The following MGAT4C variants were observed in gnomAD, a reference collection of about 807,000 sequenced individuals.
The protein encoded by MGAT4C is MGAT4 family member C.
Under a neutral mutation model 40.1 loss-of-function variants are expected in MGAT4C, and 19 were observed. The observed-to-expected ratio is 0.47, with a 90% CI of 0.33 to 0.70. MGAT4C has a LOEUF of 0.70. Among genes scored for constraint, MGAT4C ranks in the 30% least tolerant of loss-of-function variants. The pLI is 0.02. For synonymous variants in MGAT4C, 181 were observed against 187.1 expected, an observed-to-expected ratio of 0.97 and a Z score of 0.27; for missense variants, 491 against 563.2, an observed-to-expected ratio of 0.87 and a Z score of 1.30.
chr12:86,603,187 C>T (rs1178912600), intron 2 of MGAT4C, among the ~76,000 whole-genome samples: 1 of 144,600 alleles, frequency 6.9e-6, no homozygotes. Context: ...GATGACTATA[C>T]TATATTCTAT....
rs145821160 is a variant in MGAT4C at position 86,554,699 on chromosome 12, A to G, written c.-228-119434T>C. Among the ~76,000 whole-genome samples the G allele has an allele frequency of 3.9e-3, 594 of 152,302 alleles. 5 individuals are homozygous for G. Among genetic ancestry groups the G allele is most frequent in the African/African-American group, 0.014 (575 of 41,566 alleles). ...CTCATTTTCTCTTTCTTACTGCCAGATATCTCTATTAGGCCTCCAACTGAA... is the reference window on the plus strand; with the variant it reads ...CTCATTTTCTCTTTCTTACTGCCAGGTATCTCTATTAGGCCTCCAACTGAA... On this transcript the variant is annotated intron_variant, in intron 2 of 7. Coordinates refer to the MGAT4C transcript ENST00000548651.
chr12:86,785,524 T>G (rs1951916312), intron 1 of MGAT4C, among the ~76,000 whole-genome samples: 2 of 151,952 alleles, frequency 1.3e-5, no homozygotes, highest in Non-Finnish European at 1.5e-5. Context: ...TAGATAAACC[T>G]CACAAAGCAC....
intron 2 of MGAT4C, among the ~76,000 whole-genome samples, chr12:86,027,250 C>G (rs1460008717): frequency 3.3e-5 from 5 of 151,902 alleles, no homozygotes; most frequent in Non-Finnish European, 5.9e-5. Flanking sequence ...CTTCTGATAA[C>G]TAAACTTTTG....
chr12:86,002,351 C>A (rs1449110485), intron 2 of MGAT4C: 1 of 152,162 alleles, frequency 6.6e-6, no homozygotes, highest in Non-Finnish European at 1.5e-5. Flanking sequence ...GCCTCCATAA[C>A]ATTGCATGTA....
At chr12:86,617,348 CCA>C (rs1378754574) in intron 2 of MGAT4C, among the ~76,000 whole-genome samples, 3 of 152,174 alleles carry the variant, frequency 2.0e-5, no homozygotes, top group African/African-American at 7.2e-5. Context: ...ATTCAACCAT[CCA>C]CAGATTCAAC....
chr12:86,774,323 C>CTT (rs1555227794), intron 1 of MGAT4C, among the ~76,000 whole-genome samples: 5 of 97,046 alleles, frequency 5.2e-5, no homozygotes, highest in Non-Finnish European at 6.5e-5. Flanking sequence ...TTCTTTCTTT[C>CTT]TTTCTTTCTT....
At chr12:86,605,428 C>T (rs559819112) in intron 2 of MGAT4C, among the ~76,000 whole-genome samples, 1 of 152,092 alleles carries the variant, frequency 6.6e-6, no homozygotes, top group African/African-American at 2.4e-5. Flanking sequence ...ATCAACTCGG[C>T]AGCCTGTTCA....
rs185034516 is a variant in MGAT4C at position 86,423,530 on chromosome 12, C to T, written c.-120+11627G>A. 2.2e-4 allele frequency among the ~76,000 whole-genome samples: 34 copies of T among 151,974 alleles called. No homozygotes were observed. In the East Asian group the frequency reaches 6.4e-3, roughly 28 times the overall value. On this transcript the variant is annotated intron_variant, in intron 3 of 7. Coordinates refer to the MGAT4C transcript ENST00000548651. ...ATTTCTTCTATTGAGTGTTTGTGTG[C>T]AAATGTATGCATGTATAGCACATGT...
At chr12:86,352,107 T>C (rs917341039) in intron 3 of MGAT4C, among the ~76,000 whole-genome samples, 3 of 152,094 alleles carry the variant, frequency 2.0e-5, no homozygotes, top group Non-Finnish European at 2.9e-5. Context: ...TTATTTGAAA[T>C]CACTGCTAAT....
At chr12:86,768,669 G>C (rs564819652) in intron 1 of MGAT4C, among the ~76,000 whole-genome samples, 1 of 150,938 alleles carries the variant, frequency 6.6e-6, no homozygotes, top group Non-Finnish European at 1.5e-5. Context: ...CCAAAACAGA[G>C]ATATAGATCA....
At chr12:86,112,549 C>G (rs1012768746) in intron 1 of MGAT4C, among the ~76,000 whole-genome samples, 3 of 151,642 alleles carry the variant, frequency 2.0e-5, no homozygotes, top group Non-Finnish European at 4.4e-5. Flanking sequence ...GTGCTCACCA[C>G]TGAGAACAAT....
chr12:86,513,097 G>T (rs1284164403), intron 2 of MGAT4C, among the ~76,000 whole-genome samples: 3 of 152,080 alleles, frequency 2.0e-5, no homozygotes, highest in Non-Finnish European at 4.4e-5. Context: ...GTTGCAATGT[G>T]TATGTATGTA....
At chr12:86,529,900 C>T (rs1399028469) in intron 2 of MGAT4C, among the ~76,000 whole-genome samples, 1 of 151,928 alleles carries the variant, frequency 6.6e-6, no homozygotes, top group South Asian at 2.1e-4. Context: ...TGTATATTGT[C>T]TACATACATC....
At chr12:86,500,736 A>G (rs192939106) in intron 2 of MGAT4C, among the ~76,000 whole-genome samples, 27 of 152,174 alleles carry the variant, frequency 1.8e-4, no homozygotes, top group Admixed American at 1.1e-3. Context: ...TGATGTTTAT[A>G]TAACTTTGTT....
At chr12:86,376,776 AAGAG>A (rs1328088876) in intron 3 of MGAT4C, among the ~76,000 whole-genome samples, 4 of 145,378 alleles carry the variant, frequency 2.8e-5, no homozygotes, top group South Asian at 2.2e-4. Flanking sequence ...AAGAGCAAGA[AAGAG>A]AGAGAGAGAC....
intron 1 of MGAT4C, among the ~76,000 whole-genome samples, chr12:86,813,639 C>T (rs1490318397): frequency 2.0e-5 from 3 of 151,894 alleles, no homozygotes; most frequent in Non-Finnish European, 4.4e-5. Flanking sequence ...CACAGTGAGT[C>T]ACTACATATT....
At chr12:86,469,137 AC>A (rs1171619210) in intron 2 of MGAT4C, among the ~76,000 whole-genome samples, 3 of 152,122 alleles carry the variant, frequency 2.0e-5, no homozygotes, top group African/African-American at 7.2e-5. Context: ...GTTGAAATAT[AC>A]ACACCTGCTG....
chr12:86,806,623 A>G (rs1952360723), intron 1 of MGAT4C, among the ~76,000 whole-genome samples: 4 of 151,924 alleles, frequency 2.6e-5, no homozygotes, highest in Admixed American at 2.6e-4. Context: ...TCTGCCACTG[A>G]TCACCTCCAC....
At chr12:86,534,651 T>C (rs1959040601) in intron 2 of MGAT4C, among the ~76,000 whole-genome samples, 1 of 152,178 alleles carries the variant, frequency 6.6e-6, no homozygotes, top group African/African-American at 2.4e-5. Context: ...TTGCCCATAG[T>C]TACAGAACAA....
Sources: gnomAD v4.1 joint callset for allele counts (sites outside exome capture counted in the v4.1 genomes callset) on GRCh38, gnomAD v4.1.1 for gene constraint, MANE v1.5 for transcripts, NCBI Gene and HGNC (gene_info 2026-07-23, HGNC 2026-07-21) for gene names.